DCDC1: variants seen among roughly 807,000 people sequenced by gnomAD.
The protein encoded by DCDC1 is doublecortin domain containing 1.
Under a neutral mutation model 178.3 loss-of-function variants are expected in DCDC1, and 200 were observed. The ratio of observed to expected loss-of-function variants is 1.12; its 90% CI spans 1.00 to 1.26. The LOEUF (loss-of-function observed/expected upper bound fraction) is 1.26, where lower values mean the gene tolerates loss of function less well. DCDC1 is among the 50% of genes most tolerant of loss of function. The probability of loss-of-function intolerance (pLI) is 0.00; values close to 1 mark genes in which losing one functional copy is unlikely to be tolerated. For synonymous variants in DCDC1, 690 were observed against 604.8 expected (o/e 1.14, Z -2.07); for missense variants, 1,983 against 1,749.2 (o/e 1.13, Z -2.38).
chr11:31,165,512 T>C (rs1028323534), intron 9 of DCDC1, among the ~76,000 whole-genome samples: 1 of 152,200 alleles, frequency 6.6e-6, no homozygotes, highest in Non-Finnish European at 1.5e-5. Context: ...GGTCTCACTA[T>C]GTTACTCAGG....
At chr11:31,132,104 T>C (rs1962522927) in intron 10 of DCDC1, among the ~76,000 whole-genome samples, 1 of 152,220 alleles carries the variant, frequency 6.6e-6, no homozygotes, top group African/African-American at 2.4e-5. Flanking sequence ...TGTTAACATA[T>C]GTGAAACAAA....
At chr11:31,001,949 A>C (rs183883859) in intron 20 of DCDC1, among the ~76,000 whole-genome samples, 1 of 152,362 alleles carries the variant, frequency 6.6e-6, no homozygotes, top group Non-Finnish European at 1.5e-5. Context: ...CCAGTGTCCT[A>C]AATATTGCAA....
At chr11:31,188,949 T>C (rs1226245806) in intron 9 of DCDC1, among the ~76,000 whole-genome samples, 2 of 152,158 alleles carry the variant, frequency 1.3e-5, no homozygotes, top group East Asian at 3.9e-4. Context: ...TACCCTTTTA[T>C]GAGAGACCTA....
intron 9 of DCDC1, among the ~76,000 whole-genome samples, chr11:31,183,473 A>T (rs1969093522): frequency 6.6e-6 from 1 of 152,244 alleles, no homozygotes; most frequent in Admixed American, 6.5e-5. Flanking sequence ...TGGAAACTGA[A>T]CAATCTGCTC....
chr11:31,071,331 T>C (rs1165830818), intron 18 of DCDC1, among the ~76,000 whole-genome samples: 3 of 152,200 alleles, frequency 2.0e-5, no homozygotes, highest in Admixed American at 6.6e-5. Flanking sequence ...AGTAGTACTA[T>C]AATGGACATC....
chr11:30,959,799 T>C (rs1467985505), intron 20 of DCDC1, among the ~76,000 whole-genome samples: 1 of 152,106 alleles, frequency 6.6e-6, no homozygotes, highest in Non-Finnish European at 1.5e-5. Flanking sequence ...TTCCTTTCCT[T>C]CCCAAGATAT....
intron 21 of DCDC1, among the ~76,000 whole-genome samples, chr11:30,933,532 G>T (rs1197418837): frequency 6.6e-6 from 1 of 152,116 alleles, no homozygotes; most frequent in Non-Finnish European, 1.5e-5. Context: ...TATGACACTT[G>T]TTATAAATTG....
chr11:30,895,214 T>C (rs1434620695), intron 34 of DCDC1, among the ~76,000 whole-genome samples: 2 of 152,144 alleles, frequency 1.3e-5, no homozygotes, highest in African/African-American at 4.8e-5. Context: ...GGGTGAGGTG[T>C]TGTGTTGGAT....
chr11:31,328,237 T>A lies in DCDC1; in HGVS notation c.44A>T (p.Gln15Leu). 1 of 1,605,114 alleles carries A rather than the reference T, an allele frequency of 6.2e-7. No homozygotes were observed. The highest frequency in any genetic ancestry group is 8.5e-7 in the Non-Finnish European group (1 of 1,174,112). The stretch of plus-strand genomic sequence containing the variant: ...TTCAGTCAAGAGGGATAAGGAAGAC[T>A]GAGATAGTGCTTCTCTGTGATCTTC... Reference protein sequence around the residue: ...GAEDHREALSQSSLSLLTEAM... With the variant: ...GAEDHREALSLSSLSLLTEAM... Residue 15 changes from glutamine (Q) to leucine (L), a missense_variant, in exon 3 of 39, where the codon CAG becomes CTG. Gln to Leu is a moderately radical substitution (Grantham distance 113). Transcript: ENST00000684477.
At chr11:31,258,654 A>G (rs1944576092) in intron 8 of DCDC1, among the ~76,000 whole-genome samples, 1 of 152,214 alleles carries the variant, frequency 6.6e-6, no homozygotes, top group South Asian at 2.1e-4. Context: ...GTTCGTCCTC[A>G]CTGGGACCCT....
chr11:30,995,878 G>A (rs1355829790), intron 20 of DCDC1, among the ~76,000 whole-genome samples: 1 of 151,844 alleles, frequency 6.6e-6, no homozygotes, highest in African/African-American at 2.4e-5. Context: ...CATCCCCAAA[G>A]GCACAATCAG....
chr11:31,009,970 C>T lies in DCDC1; in HGVS notation c.2591+54499G>A, dbSNP rs534979284. ...CCATCAGATCCTGTGAGAACACATT[C>T]ACTATCATGAGAACAGCATGATTCA... On this transcript the variant is annotated intron_variant, in intron 20 of 38. Coordinates refer to ENST00000684477, the MANE Select transcript of DCDC1 (RefSeq NM_001387274.1). Among the ~76,000 whole-genome samples, 5 of 152,274 alleles carry T rather than the reference C, an allele frequency of 3.3e-5. No homozygotes were observed. In the South Asian group the frequency reaches 8.3e-4, roughly 25 times the overall value.
At chr11:31,204,555 G>A (rs986636399) in intron 9 of DCDC1, among the ~76,000 whole-genome samples, 1 of 152,172 alleles carries the variant, frequency 6.6e-6, no homozygotes, top group Non-Finnish European at 1.5e-5. Flanking sequence ...ATAGCCGGGG[G>A]CTCATGCCTG....
At chr11:31,304,462 A>G (rs1948325468) in intron 6 of DCDC1, among the ~76,000 whole-genome samples, 1 of 152,164 alleles carries the variant, frequency 6.6e-6, no homozygotes, top group African/African-American at 2.4e-5. Context: ...TGAAAAATAT[A>G]TGAGTCTACA....
At position 31,274,912 on chromosome 11, in the gene DCDC1, G is replaced by A. The variant is rs145897762; in HGVS notation, c.961-9312C>T. 1.3e-5 allele frequency among the ~76,000 whole-genome samples: 2 copies of A among 152,092 alleles called. 1 individual carries two copies. The highest frequency in any genetic ancestry group is 2.9e-5 in the Non-Finnish European group (2 of 67,978). ...GATAGGGTTTCACTATGTTTGCCAG[G>A]CTGGTCTTGAACTCCTGACCTCATG... On this transcript the variant is annotated intron_variant, in intron 7 of 38. Coordinates refer to ENST00000684477, the MANE Select transcript of DCDC1 (RefSeq NM_001387274.1).
intron 17 of DCDC1, among the ~76,000 whole-genome samples, chr11:31,089,464 G>T (rs1234008412): frequency 6.6e-6 from 1 of 151,888 alleles, no homozygotes; most frequent in Non-Finnish European, 1.5e-5. Context: ...TGGATCAGTG[G>T]GTTATAGCTC....
intron 15 of DCDC1, among the ~76,000 whole-genome samples, chr11:31,099,430 T>A (rs1958356798): frequency 1.3e-5 from 2 of 152,158 alleles, no homozygotes; most frequent in South Asian, 4.1e-4. Flanking sequence ...TAATATTGAA[T>A]TAAGACCCTT....
At position 30,915,315 on chromosome 11, in the gene DCDC1, T is replaced by C. The variant is rs1945754981; in HGVS notation, c.3653+196A>G. Among the ~76,000 whole-genome samples the C allele has an allele frequency of 3.3e-5, 5 of 152,210 alleles. No individual in the cohort carries two copies. The South Asian group carries it at 1.0e-3, about 32-fold the overall frequency. ...TCTGAATCTGATTGTGGATAAATTG[T>C]ATGTAGCTTACCTAGCATTTACATT... is the stretch of plus-strand genomic sequence containing the variant. On this transcript the variant is annotated intron_variant, in intron 27 of 38. Transcript: ENST00000684477.
At chr11:31,161,091 C>T (rs1293093359) in intron 9 of DCDC1, among the ~76,000 whole-genome samples, 3 of 151,844 alleles carry the variant, frequency 2.0e-5, no homozygotes, top group African/African-American at 4.8e-5. Flanking sequence ...TTCTTTTTTT[C>T]CATACTCAGC....
Sources: gnomAD v4.1 joint callset for allele counts (sites outside exome capture counted in the v4.1 genomes callset) on GRCh38, gnomAD v4.1.1 for gene constraint, MANE v1.5 for transcripts, NCBI Gene and HGNC (gene_info 2026-07-23, HGNC 2026-07-21) for gene names.